Variants in GRIN2A observed in about 807,000 individuals in gnomAD.
The protein encoded by GRIN2A is glutamate receptor ionotropic, NMDA 2A.
Under a neutral mutation model 113.4 loss-of-function variants are expected in GRIN2A, and 22 were observed. That is an observed-to-expected ratio of 0.19 (90% confidence interval 0.14 to 0.28). The LOEUF (loss-of-function observed/expected upper bound fraction) is 0.28, where lower values mean the gene tolerates loss of function less well. Ranked by LOEUF, GRIN2A falls within the 10% of genes least tolerant of loss-of-function variation. The pLI is 1.00. For missense variants in GRIN2A, 1,502 were observed against 1,887.0 expected (o/e 0.80, Z 3.78); for synonymous variants, 827 against 738.4 (o/e 1.12, Z -1.94).
chr16:9,897,095 A>T (rs1457788325), intron 3 of GRIN2A, among the ~76,000 whole-genome samples: 1 of 151,276 alleles, frequency 6.6e-6, no homozygotes, highest in Non-Finnish European at 1.5e-5. Context: ...GAAGGGGAAG[A>T]CTCTAGTGAT....
At chr16:9,995,013 A>G (rs2046196065) in intron 2 of GRIN2A, among the ~76,000 whole-genome samples, 1 of 152,206 alleles carries the variant, frequency 6.6e-6, no homozygotes, top group African/African-American at 2.4e-5. Flanking sequence ...ACACCTGAAA[A>G]GTCCAGGGAC....
chr16:10,136,742 C>G (rs1312940065), intron 2 of GRIN2A, among the ~76,000 whole-genome samples: 1 of 152,108 alleles, frequency 6.6e-6, no homozygotes, highest in African/African-American at 2.4e-5. Context: ...TAGCAGCTAC[C>G]ATTTATGGGG....
intron 11 of GRIN2A, among the ~76,000 whole-genome samples, chr16:9,783,184 G>C (rs865927397): frequency 1.8e-4 from 27 of 152,152 alleles, no homozygotes; most frequent in African/African-American, 4.8e-4. Flanking sequence ...CCACATACGT[G>C]GGAGCAATAA....
At chr16:10,132,416 T>A (rs554668932) in intron 2 of GRIN2A, among the ~76,000 whole-genome samples, 5 of 150,644 alleles carry the variant, frequency 3.3e-5, no homozygotes, top group East Asian at 2.0e-4. Flanking sequence ...AAAGCTGGAT[T>A]TGGGGCCATG....
chr16:9,973,963 C>G (rs1415233253), intron 2 of GRIN2A, among the ~76,000 whole-genome samples: 1 of 152,142 alleles, frequency 6.6e-6, no homozygotes, highest in East Asian at 1.9e-4. Context: ...GAAGAAAACT[C>G]TAATTCCTTC....
intron 2 of GRIN2A, among the ~76,000 whole-genome samples, chr16:10,048,174 T>C (rs1227200053): frequency 1.3e-5 from 2 of 152,252 alleles, no homozygotes; most frequent in Non-Finnish European, 2.9e-5. Flanking sequence ...TATGACTCAG[T>C]TTTCTTTATG....
chr16:10,030,961 C>A (rs1296559190), intron 2 of GRIN2A, among the ~76,000 whole-genome samples: 1 of 152,176 alleles, frequency 6.6e-6, no homozygotes, highest in Non-Finnish European at 1.5e-5. Flanking sequence ...CATGCACCAT[C>A]TAGGGGGTAG....
At chr16:9,929,842 G>A (rs1265250253) in intron 3 of GRIN2A, among the ~76,000 whole-genome samples, 1 of 152,100 alleles carries the variant, frequency 6.6e-6, no homozygotes, top group Non-Finnish European at 1.5e-5. Context: ...CTGGCCTAAG[G>A]CAAATGTGAA....
chr16:10,134,153 A>G (rs966572551), intron 2 of GRIN2A, among the ~76,000 whole-genome samples: 5 of 148,710 alleles, frequency 3.4e-5, no homozygotes, highest in Non-Finnish European at 5.9e-5. Context: ...TGATCACATC[A>G]CCACACTCCA....
chr16:9,871,353 T>A (rs1377650915), intron 4 of GRIN2A, among the ~76,000 whole-genome samples: 2 of 152,010 alleles, frequency 1.3e-5, no homozygotes, highest in African/African-American at 4.8e-5. Flanking sequence ...TTGAAGACAC[T>A]TGTCTCTAAA....
intron 3 of GRIN2A, among the ~76,000 whole-genome samples, chr16:9,921,562 G>C (rs905929846): frequency 4.6e-5 from 7 of 152,184 alleles, no homozygotes; most frequent in Admixed American, 3.3e-4. Context: ...GAGATGTTGT[G>C]ACAATAATAT....
At chr16:9,890,438 T>C (rs1437080886) in intron 4 of GRIN2A, among the ~76,000 whole-genome samples, 1 of 152,196 alleles carries the variant, frequency 6.6e-6, no homozygotes. Flanking sequence ...TTGCAAACGA[T>C]TTTTTGTATT....
intron 11 of GRIN2A, among the ~76,000 whole-genome samples, chr16:9,769,948 C>T (rs1043729402): frequency 6.6e-5 from 10 of 152,166 alleles, no homozygotes; most frequent in African/African-American, 1.9e-4. Context: ...ATCCAGCTGG[C>T]TCTGAATGGC....
At chr16:9,858,498 C>G (rs1186511263) in intron 4 of GRIN2A, among the ~76,000 whole-genome samples, 2 of 151,762 alleles carry the variant, frequency 1.3e-5, no homozygotes, top group Non-Finnish European at 2.9e-5. Context: ...GGTGATAAGC[C>G]TTTGAGTGTT....
chr16:10,026,262 A>G (rs2046819187), intron 2 of GRIN2A, among the ~76,000 whole-genome samples: 1 of 152,106 alleles, frequency 6.6e-6, no homozygotes, highest in Non-Finnish European at 1.5e-5. Flanking sequence ...CACCTTCCTA[A>G]GCCTCAGTTT....
At chr16:9,872,296 C>T (rs1341791341) in intron 4 of GRIN2A, among the ~76,000 whole-genome samples, 2 of 152,200 alleles carry the variant, frequency 1.3e-5, no homozygotes, top group South Asian at 2.1e-4. Context: ...AACAGCTCAG[C>T]TCCTAACCGG....
At chr16:10,040,000 A>T (rs2047123873) in intron 2 of GRIN2A, among the ~76,000 whole-genome samples, 4 of 125,716 alleles carry the variant, frequency 3.2e-5, no homozygotes, top group African/African-American at 5.9e-5. Context: ...ACAAATACAC[A>T]ACACACACAT....
At chr16:9,874,970 C>T (rs779472085) in intron 4 of GRIN2A, among the ~76,000 whole-genome samples, 1 of 151,328 alleles carries the variant, frequency 6.6e-6, no homozygotes, top group African/African-American at 2.4e-5. Context: ...CACCTGTAGT[C>T]CCAGCTACTT....
At chr16:10,112,017 G>A (rs987896851) in intron 2 of GRIN2A, 14 of 648,540 alleles carry the variant, frequency 2.2e-5, no homozygotes, top group Non-Finnish European at 3.4e-5. Context: ...TGTGGTCAAT[G>A]ATCGCCATGA....
Sources: allele counts gnomAD v4.1 joint callset (sites outside exome capture counted in the v4.1 genomes callset), GRCh38; gene constraint gnomAD v4.1.1; transcripts MANE v1.5; gene names NCBI Gene and HGNC (gene_info 2026-07-23, HGNC 2026-07-21).